The following PDE4B variants were observed in gnomAD, a reference collection of about 807,000 sequenced individuals.
The protein encoded by PDE4B is phosphodiesterase 4B.
PDE4B carries 20 observed loss-of-function variants against 82.2 expected under a neutral mutation model. The ratio of observed to expected loss-of-function variants is 0.24; its 90% CI spans 0.17 to 0.35. The LOEUF is 0.35. Among genes scored for constraint, PDE4B ranks in the 10% least tolerant of loss-of-function variants. The pLI, the probability that PDE4B is intolerant of heterozygous loss-of-function variation, is 1.00. For missense variants in PDE4B, 655 were observed against 907.2 expected (o/e 0.72, Z 3.57); for synonymous variants, 320 against 318.9 (o/e 1.00, Z -0.04).
chr1:66,345,420 GC>G (rs1013313007), intron 8 of PDE4B, among the ~76,000 whole-genome samples: 39 of 152,160 alleles, frequency 2.6e-4, no homozygotes, highest in Admixed American at 7.2e-4. Flanking sequence ...CCCTAATTCA[GC>G]TGCTTGTTGG....
intron 3 of PDE4B, among the ~76,000 whole-genome samples, chr1:65,971,045 A>G (rs1650104246): frequency 6.6e-6 from 1 of 150,514 alleles, no homozygotes; most frequent in African/African-American, 2.5e-5. Context: ...TCTAGTAGGC[A>G]TCTGGGATCA....
intron 4 of PDE4B, among the ~76,000 whole-genome samples, chr1:66,250,333 T>A (rs954923613): frequency 2.0e-5 from 3 of 152,182 alleles, no homozygotes; most frequent in African/African-American, 7.2e-5. Flanking sequence ...CACAGAGCTG[T>A]CATGAATTTT....
chr1:65,933,902 T>C (rs1425954710), intron 3 of PDE4B, among the ~76,000 whole-genome samples: 1 of 152,216 alleles, frequency 6.6e-6, no homozygotes, highest in Non-Finnish European at 1.5e-5. Context: ...AAAATATCTG[T>C]AATTAAATAT....
At chr1:66,225,000 T>G (rs1651320287) in intron 3 of PDE4B, among the ~76,000 whole-genome samples, 1 of 152,228 alleles carries the variant, frequency 6.6e-6, no homozygotes, top group Non-Finnish European at 1.5e-5. Context: ...GCCTTTTCTT[T>G]GGACACAATT....
intron 3 of PDE4B, among the ~76,000 whole-genome samples, chr1:66,127,254 G>A (rs1645843624): frequency 6.6e-6 from 1 of 152,052 alleles, no homozygotes; most frequent in Non-Finnish European, 1.5e-5. Context: ...GAAACAATAG[G>A]GGAGCTGGCT....
At chr1:65,868,160 C>A (rs1201433775) in intron 1 of PDE4B, among the ~76,000 whole-genome samples, 1 of 152,190 alleles carries the variant, frequency 6.6e-6, no homozygotes, top group Non-Finnish European at 1.5e-5. Flanking sequence ...CCAGATGGCT[C>A]CCTATGCTCT....
At chr1:66,247,731 A>G (rs1444565958) in intron 4 of PDE4B, 77 bp downstream of exon 4, 2 of 1,062,208 alleles carry the variant, frequency 1.9e-6, no homozygotes, top group African/African-American at 1.6e-5. Flanking sequence ...AGCAACAACA[A>G]TTCCCCATTA....
intron 3 of PDE4B, among the ~76,000 whole-genome samples, chr1:66,164,815 G>A (rs1218027587): frequency 7.1e-6 from 1 of 141,170 alleles, no homozygotes; most frequent in Non-Finnish European, 1.5e-5. Context: ...GGAGTGCAGT[G>A]GCGCGCAATC....
rs557700040 is a variant in PDE4B, at chr1:66,255,363, C to T, written c.477-2284C>T. The stretch of plus-strand genomic sequence containing the variant: ...TCGGCCTCCCAAAGTGCTGGGATTA[C>T]AGGCATAAGCCACCACGCCCAGCCT... On this transcript the variant is annotated intron_variant, in intron 4 of 16. Transcript: ENST00000341517. Among the ~76,000 whole-genome samples the T allele has an allele frequency of 6.1e-4, 93 of 152,314 alleles. 1 individual carries two copies. The highest frequency in any genetic ancestry group is 2.2e-3 in the African/African-American group (93 of 41,576).
intron 1 of PDE4B, among the ~76,000 whole-genome samples, chr1:65,844,329 C>G (rs1422986096): frequency 6.6e-6 from 1 of 152,162 alleles, no homozygotes; most frequent in Non-Finnish European, 1.5e-5. Flanking sequence ...GCAGTCCAAA[C>G]ACAAATACAT....
At chr1:66,350,958 C>G (rs1202740572) in intron 8 of PDE4B, among the ~76,000 whole-genome samples, 1 of 152,110 alleles carries the variant, frequency 6.6e-6, no homozygotes, top group Non-Finnish European at 1.5e-5. Context: ...TAACTTTTCA[C>G]TATTAAAGGA....
At chr1:65,987,614 T>A (rs916384857) in intron 3 of PDE4B, among the ~76,000 whole-genome samples, 9 of 152,186 alleles carry the variant, frequency 5.9e-5, no homozygotes, top group Admixed American at 4.6e-4. Flanking sequence ...TTTTTTGATT[T>A]ATTTATTTTT....
At chr1:66,134,596 C>T (rs909730727) in intron 3 of PDE4B, among the ~76,000 whole-genome samples, 30 of 152,266 alleles carry the variant, frequency 2.0e-4, no homozygotes, top group Middle Eastern at 3.4e-3. Flanking sequence ...CCTTGCTACA[C>T]TTAATTCATT....
Position 66,013,390 on chromosome 1 carries a change from A to G in PDE4B, c.281+94555A>G, listed in dbSNP as rs116318924. On this transcript the variant is annotated intron_variant, in intron 3 of 16. Coordinates refer to ENST00000341517, the MANE Select transcript of PDE4B (RefSeq NM_002600.4). ...CTATATTTAAGGCCCAGATACTTCT[A>G]AGATGATGCTTTGGATTCTACATTT... 2.9e-3 allele frequency among the ~76,000 whole-genome samples: 447 copies of G among 152,272 alleles called. 3 individuals are homozygous for G. Among genetic ancestry groups the G allele is most frequent in the African/African-American group, 0.01 (420 of 41,558 alleles).
chr1:65,988,583 A>C (rs938986996), intron 3 of PDE4B, among the ~76,000 whole-genome samples: 3 of 152,134 alleles, frequency 2.0e-5, no homozygotes, highest in Non-Finnish European at 4.4e-5. Context: ...ATGATCAATA[A>C]TAATTCAATT....
intron 16 of PDE4B, 135 bp from the exon 17 acceptor site, chr1:66,372,178 G>A (rs1374528484): frequency 2.3e-6 from 2 of 877,998 alleles, no homozygotes; most frequent in Admixed American, 2.3e-5. Context: ...TATTGTGAGT[G>A]CCCAAATCAT....
chr1:66,359,958 C>T (rs1197260778), intron 9 of PDE4B, among the ~76,000 whole-genome samples: 1 of 151,984 alleles, frequency 6.6e-6, no homozygotes, highest in Non-Finnish European at 1.5e-5. Context: ...AATAAATTGC[C>T]CTCTGAGCTT....
At chr1:66,118,064 A>G (rs917348795) in intron 3 of PDE4B, among the ~76,000 whole-genome samples, 3 of 152,234 alleles carry the variant, frequency 2.0e-5, no homozygotes, top group Admixed American at 1.3e-4. Context: ...ATGGCCAGTG[A>G]TGATGAGCAT....
At chr1:66,277,774 G>C (rs1428863897) in intron 7 of PDE4B, among the ~76,000 whole-genome samples, 1 of 152,170 alleles carries the variant, frequency 6.6e-6, no homozygotes, top group Non-Finnish European at 1.5e-5. Context: ...CCCAGTACCT[G>C]TATTTTCTCT....
Sources: allele counts gnomAD v4.1 joint callset (sites outside exome capture counted in the v4.1 genomes callset), GRCh38; gene constraint gnomAD v4.1.1; transcripts MANE v1.5; gene names NCBI Gene and HGNC (gene_info 2026-07-23, HGNC 2026-07-21).